The following ABL1 variants were observed in gnomAD, a reference collection of about 807,000 sequenced individuals.
ABL1 encodes ABL proto-oncogene 1, non-receptor tyrosine kinase.
Under a neutral mutation model 94.7 loss-of-function variants are expected in ABL1, and 11 were observed. The observed-to-expected ratio is 0.12, with a 90% confidence interval of 0.07 to 0.19. The LOEUF (loss-of-function observed/expected upper bound fraction) is 0.19, where lower values mean the gene tolerates loss of function less well. Ranked by LOEUF, ABL1 falls within the 10% of genes least tolerant of loss-of-function variation. ABL1 has a pLI of 1.00. For missense variants in ABL1, 1,082 were observed against 1,489.4 expected, an observed-to-expected ratio of 0.73 and a Z score of 4.50; for synonymous variants, 656 against 622.4, an observed-to-expected ratio of 1.05 and a Z score of -0.80.
At chr9:130,754,767 G>A (rs1832022186) in intron 1 of ABL1, among the ~76,000 whole-genome samples, 1 of 152,090 alleles carries the variant, frequency 6.6e-6, no homozygotes. Flanking sequence ...AATACCGTGC[G>A]GGGCTTCTCA....
chr9:130,802,026 G>A (rs1448481070), intron 1 of ABL1, among the ~76,000 whole-genome samples: 1 of 149,966 alleles, frequency 6.7e-6, no homozygotes, highest in African/African-American at 2.5e-5. Context: ...TTTTGGTATT[G>A]TAGTTACCCA....
At chr9:130,717,659 T>TA (rs55678553) in intron 1 of ABL1, among the ~76,000 whole-genome samples, 1,974 of 128,156 alleles carry the variant, frequency 0.015, 34 homozygotes, top group African/African-American at 0.044. Flanking sequence ...CTCTGGGGGG[T>TA]AAAAAAAAAA....
chr9:130,784,821 G>A (rs1041504882), intron 1 of ABL1, among the ~76,000 whole-genome samples: 9 of 152,174 alleles, frequency 5.9e-5, no homozygotes, highest in Non-Finnish European at 1.0e-4. Context: ...AGCTACAGGA[G>A]GCTTAGAGTG....
At chr9:130,750,249 A>G (rs898887810) in intron 1 of ABL1, among the ~76,000 whole-genome samples, 38 of 144,614 alleles carry the variant, frequency 2.6e-4, no homozygotes, top group Non-Finnish European at 4.4e-4. Context: ...AAGTATAAGT[A>G]TATACTTAGA....
intron 1 of ABL1, among the ~76,000 whole-genome samples, chr9:130,842,547 T>C (rs1326132703): frequency 6.6e-6 from 1 of 152,000 alleles, no homozygotes; most frequent in African/African-American, 2.4e-5. Flanking sequence ...ACCATGAGGG[T>C]GGGGAGGGTC....
At chr9:130,795,727 G>A (rs953087515) in intron 1 of ABL1, among the ~76,000 whole-genome samples, 1 of 152,116 alleles carries the variant, frequency 6.6e-6, no homozygotes, top group African/African-American at 2.4e-5. Context: ...TAATCAACAT[G>A]TTTTAAAGTG....
chr9:130,853,930 A>G (rs1206690505), intron 1 of ABL1, 134 bp from the exon 2 acceptor site: 2 of 889,486 alleles, frequency 2.2e-6, no homozygotes, highest in African/African-American at 1.7e-5. Flanking sequence ...AATAGTATGT[A>G]CAGATGTTAA....
At position 130,828,373 on chromosome 9, in the gene ABL1, G is replaced by T. The variant is rs983752247; in HGVS notation, c.137-25691G>T. ...ATGAGCCACCACACCCAGCAAGAAT[G>T]AATTGTTTAATATTAAAAACATTAT... On this transcript the variant is annotated intron_variant, in intron 1 of 10. Coordinates refer to the ABL1 transcript ENST00000372348. 9.9e-5 allele frequency among the ~76,000 whole-genome samples: 15 copies of T among 152,264 alleles called. 1 individual carries two copies. Among genetic ancestry groups the T allele is most frequent in the Admixed American group, 5.9e-4 (9 of 15,288 alleles).
intron 1 of ABL1, among the ~76,000 whole-genome samples, chr9:130,757,006 G>C (rs982974325): frequency 1.3e-5 from 2 of 152,192 alleles, no homozygotes; most frequent in African/African-American, 4.8e-5. Flanking sequence ...GGAGCCGATG[G>C]AAAGGGGGAC....
rs1322792495 is a variant in ABL1 at position 130,730,390 on chromosome 9, A to G, written c.136+15935A>G. Among the ~76,000 whole-genome samples the G allele has an allele frequency of 3.3e-5, 5 of 151,990 alleles. No individual in the cohort carries two copies. The East Asian group carries it at 7.7e-4, about 23-fold the overall frequency. ...GCCTTGCAGGTAGTTGTGCAGTAGTATCTCCCAGCCTTAATTTGCTCTTCT... is the reference window on the plus strand; with the variant it reads ...GCCTTGCAGGTAGTTGTGCAGTAGTGTCTCCCAGCCTTAATTTGCTCTTCT... On this transcript the variant is annotated intron_variant, in intron 1 of 10. Transcript: ENST00000372348.
Position 130,884,212 on chromosome 9 carries a change from T to C in ABL1, c.1922T>C (p.Ile641Thr), listed in dbSNP as rs1831521450. Residue 641 changes from isoleucine to threonine, a missense_variant, in exon 11 of 11, where the codon ATC (isoleucine) becomes ACC (threonine). Physicochemically the swap from Ile to Thr is moderately conservative, Grantham distance 89. Coordinates refer to ENST00000318560, the MANE Select transcript of ABL1 (RefSeq NM_005157.6). This position sits in a 1 kb window ranked among gnomAD's most constrained non-coding sequence, Gnocchi z 5.6. ...RGAGEEEGRD[I>T]SNGALAFTPL... ...GCCGGCGAGGAAGAGGGCCGAGACA[T>C]CAGCAACGGGGCACTGGCTTTCACC... The C allele has an allele frequency of 6.2e-7, 1 of 1,609,124 alleles. No individual in the cohort carries two copies. The highest frequency in any genetic ancestry group is 1.7e-5 in the Admixed American group (1 of 59,094).
chr9:130,875,457 T>C (rs1411783015), intron 7 of ABL1, among the ~76,000 whole-genome samples: 7 of 152,200 alleles, frequency 4.6e-5, no homozygotes, highest in Admixed American at 1.3e-4. Flanking sequence ...TTTTTTTTTT[T>C]TTTTTAACTG....
chr9:130,773,508 G>T (rs570315314), intron 1 of ABL1, among the ~76,000 whole-genome samples: 6 of 152,026 alleles, frequency 3.9e-5, no homozygotes, highest in Non-Finnish European at 8.8e-5. Flanking sequence ...GTCCAGGCTG[G>T]AGTGTAGTGG....
At chr9:130,881,101 G>A (rs543245486) in intron 10 of ABL1, among the ~76,000 whole-genome samples, 4 of 152,360 alleles carry the variant, frequency 2.6e-5, no homozygotes, top group East Asian at 1.9e-4. Context: ...GACAGAACCC[G>A]TGTCCTGGTG....
chr9:130,798,277 G>A (rs1422086581), intron 1 of ABL1, among the ~76,000 whole-genome samples: 2 of 152,124 alleles, frequency 1.3e-5, no homozygotes, highest in Admixed American at 6.6e-5. Context: ...ATACATGAAA[G>A]TGAAGGCTCT....
At chr9:130,827,520 T>C (rs1466824644) in intron 1 of ABL1, among the ~76,000 whole-genome samples, 9 of 152,056 alleles carry the variant, frequency 5.9e-5, no homozygotes, top group Admixed American at 5.9e-4. Flanking sequence ...CTGATATTAA[T>C]AGATAAAGGG....
At position 130,886,872 on chromosome 9, in the gene ABL1, T is replaced by TGAACTGGGCG; in HGVS notation, c.*1190_*1199dup. ...CCAGTCCTGGTCCTGGCTGCACTCT[T>TGAACTGGGCG]GAACTGGGCGAATGTCTTATTTAAT... is the stretch of plus-strand genomic sequence containing the variant. On this transcript the variant is annotated 3_prime_UTR_variant, in exon 11 of 11. Coordinates refer to ENST00000318560, the MANE Select transcript of ABL1 (RefSeq NM_005157.6). 1 of 233,270 alleles carries TGAACTGGGCG rather than the reference T, an allele frequency of 4.3e-6. No individual in the cohort carries two copies. The highest frequency in any genetic ancestry group is 8.5e-6 in the Non-Finnish European group (1 of 117,908). The allele number at this position is 233,270 out of a possible 1,614,324, so 14.5% of individuals were successfully genotyped here. A position where few individuals can be genotyped will look rare whatever the true frequency, so the allele number is the denominator to read the frequency against.
chr9:130,854,952 T>C lies in ABL1; in HGVS notation c.405T>C (p.Asn135=), dbSNP rs1444948042. 2 of 1,614,218 alleles carry C rather than the reference T, an allele frequency of 1.2e-6. No homozygotes were observed. Among genetic ancestry groups the C allele is most frequent in the East Asian group, 4.5e-5 (2 of 44,886 alleles). ...GGTACCATGGGCCTGTGTCCCGCAA[T>C]GCCGCTGAGTATCTGCTGAGCAGCG... ...HSWYHGPVSR[N]AAEYLLSSGI... Residue 135 remains asparagine (N), a synonymous_variant, in exon 3 of 11, where the codon AAT becomes AAC. Coordinates refer to ENST00000318560, the MANE Select transcript of ABL1 (RefSeq NM_005157.6).
intron 1 of ABL1, among the ~76,000 whole-genome samples, chr9:130,773,399 C>T (rs750658538): frequency 4.6e-5 from 7 of 152,000 alleles, no homozygotes. Context: ...AAACTGTAAA[C>T]GTCTTGGCAT....
Sources: gnomAD v4.1 joint callset for allele counts (sites outside exome capture counted in the v4.1 genomes callset) on GRCh38, gnomAD v4.1.1 for gene constraint, Gnocchi (gnomAD v3.1) non-coding constraint, MANE v1.5 for transcripts, NCBI Gene and HGNC (gene_info 2026-07-23, HGNC 2026-07-21) for gene names.